Variants in CNTNAP2 observed in about 807,000 individuals in gnomAD.
CNTNAP2 encodes contactin associated protein 2.
CNTNAP2 carries 98 observed loss-of-function variants against 155.2 expected under a neutral mutation model. The observed-to-expected ratio is 0.63, with a 90% CI of 0.54 to 0.75. The LOEUF (loss-of-function observed/expected upper bound fraction) is 0.75, where lower values mean the gene tolerates loss of function less well. Among genes scored for constraint, CNTNAP2 ranks in the 30% least tolerant of loss-of-function variants. The pLI, the probability that CNTNAP2 is intolerant of heterozygous loss-of-function variation, is 0.00. For missense variants in CNTNAP2, 1,727 were observed against 1,688.1 expected (o/e 1.02, Z -0.40); for synonymous variants, 651 against 631.2 (o/e 1.03, Z -0.47).
At chr7:146,227,067 A>T (rs762936498) in intron 1 of CNTNAP2, among the ~76,000 whole-genome samples, 4 of 152,176 alleles carry the variant, frequency 2.6e-5, no homozygotes, top group Non-Finnish European at 5.9e-5. Flanking sequence ...ACACTTATGT[A>T]TAGATAGGCA....
intron 11 of CNTNAP2, among the ~76,000 whole-genome samples, chr7:147,490,408 A>G (rs899443351): frequency 2.0e-5 from 3 of 152,220 alleles, no homozygotes; most frequent in Non-Finnish European, 4.4e-5. Flanking sequence ...ATAAATGTGT[A>G]AACTGTAAAT....
At chr7:146,897,168 T>G (rs568440997) in intron 3 of CNTNAP2, among the ~76,000 whole-genome samples, 1 of 152,054 alleles carries the variant, frequency 6.6e-6, no homozygotes, top group African/African-American at 2.4e-5. Flanking sequence ...AATCTAGAAA[T>G]TGGAAAATCA....
chr7:147,015,470 A>T (rs367755345), intron 3 of CNTNAP2, among the ~76,000 whole-genome samples: 62 of 152,184 alleles, frequency 4.1e-4, no homozygotes, highest in African/African-American at 1.4e-3. Context: ...CATTTTGAAA[A>T]CACCATGCCC....
chr7:147,643,130 T>C lies in CNTNAP2; in HGVS notation c.2098+3824T>C, dbSNP rs150212777. Among the ~76,000 whole-genome samples the C allele has an allele frequency of 7.3e-3, 1,119 of 152,252 alleles. 18 individuals carry two copies. Among genetic ancestry groups the C allele is most frequent in the African/African-American group, 0.024 (1,012 of 41,540 alleles). On this transcript the variant is annotated intron_variant, in intron 13 of 23. Transcript: ENST00000361727. ...AATCACACATTGAGAAACACTGTCT[T>C]TAATTTATGGCATGAAGGTTTCTCA... is the stretch of plus-strand genomic sequence containing the variant.
intron 11 of CNTNAP2, among the ~76,000 whole-genome samples, chr7:147,491,299 C>A (rs976305398): frequency 7.2e-5 from 11 of 152,010 alleles, no homozygotes; most frequent in Non-Finnish European, 1.6e-4. Flanking sequence ...CTCTCATACC[C>A]TTGCCCCTCC....
At chr7:147,273,518 C>A (rs2116709495) in intron 8 of CNTNAP2, among the ~76,000 whole-genome samples, 1 of 151,892 alleles carries the variant, frequency 6.6e-6, no homozygotes. Flanking sequence ...TCTGACCCAC[C>A]CCACTTTGGA....
chr7:147,379,796 T>A (rs1178086679), intron 9 of CNTNAP2, among the ~76,000 whole-genome samples: 4 of 152,064 alleles, frequency 2.6e-5, no homozygotes, highest in Non-Finnish European at 5.9e-5. Context: ...TGCACAGGTC[T>A]ATTACTTGAT....
intron 2 of CNTNAP2, among the ~76,000 whole-genome samples, chr7:146,821,204 A>C (rs1026925891): frequency 4.6e-5 from 7 of 152,260 alleles, no homozygotes; most frequent in African/African-American, 1.4e-4. Flanking sequence ...TGGTCCTGTC[A>C]TTATGATGTT....
At chr7:147,164,155 C>G (rs762380245) in intron 8 of CNTNAP2, among the ~76,000 whole-genome samples, 6 of 152,096 alleles carry the variant, frequency 3.9e-5, no homozygotes, top group Admixed American at 6.5e-5. Flanking sequence ...ATTTCATTCT[C>G]CTATTTTGGT....
intron 2 of CNTNAP2, among the ~76,000 whole-genome samples, chr7:146,799,951 C>T (rs926151217): frequency 1.3e-5 from 2 of 149,890 alleles, no homozygotes; most frequent in African/African-American, 2.5e-5. Context: ...TGGGACTCAA[C>T]AAAATCTGTT....
At position 147,100,602 on chromosome 7, in the gene CNTNAP2, TG is replaced by T. The variant is rs1168326051; in HGVS notation, c.551-7544del. On this transcript the variant is annotated intron_variant, in intron 4 of 23. Coordinates refer to ENST00000361727, the MANE Select transcript of CNTNAP2 (RefSeq NM_014141.6). ...CTCCAGTGTAAGTATAATAAAAGCA[TG>T]TTATGTTTAAACCATTTATTCATAT... Among the ~76,000 whole-genome samples the T allele has an allele frequency of 4.6e-5, 7 of 152,370 alleles. 1 individual carries two copies. Among genetic ancestry groups the T allele is most frequent in the African/African-American group, 1.7e-4 (7 of 41,598 alleles).
chr7:147,917,623 C>A (rs374990581), intron 14 of CNTNAP2, among the ~76,000 whole-genome samples: 7 of 152,336 alleles, frequency 4.6e-5, no homozygotes, highest in African/African-American at 1.4e-4. Flanking sequence ...CGACTAGCAG[C>A]AAAGATGGCT....
At chr7:147,128,988 T>C in intron 7 of CNTNAP2, 152 bp downstream of exon 7, 1 of 1,020,686 alleles carries the variant, frequency 9.8e-7, no homozygotes, top group Admixed American at 2.0e-5. Flanking sequence ...GTTATCAGAA[T>C]TAGTATAGAT....
chr7:147,779,892 T>C lies in CNTNAP2; in HGVS notation c.2099-123673T>C, dbSNP rs563985838. Among the ~76,000 whole-genome samples the C allele has an allele frequency of 2.6e-5, 4 of 152,334 alleles. No individual in the cohort carries two copies. In the South Asian group the frequency reaches 8.3e-4, roughly 32 times the overall value. On this transcript the variant is annotated intron_variant, in intron 13 of 23. Transcript: ENST00000361727. ...CTTTACTTTTGAGAAATGTGAGGCC[T>C]CCTTGAAAGCATAATCTATTCCCTT...
chr7:146,517,292 T>G (rs700291), intron 1 of CNTNAP2, among the ~76,000 whole-genome samples: 45,607 of 151,770 alleles, frequency 0.3, 7,266 homozygotes, highest in East Asian at 0.49. Context: ...CAGATAACAG[T>G]TGACTACTGC....
At chr7:147,027,730 A>G (rs1192582807) in intron 3 of CNTNAP2, among the ~76,000 whole-genome samples, 1 of 152,128 alleles carries the variant, frequency 6.6e-6, no homozygotes, top group Non-Finnish European at 1.5e-5. Flanking sequence ...GTTTGGCCAA[A>G]TACAGTGGCC....
intron 1 of CNTNAP2, among the ~76,000 whole-genome samples, chr7:146,193,211 A>G (rs770261778): frequency 1.2e-4 from 18 of 152,114 alleles, no homozygotes; most frequent in African/African-American, 4.8e-5. Flanking sequence ...CAGTGGTTCT[A>G]ACATTCTGGG....
chr7:147,209,224 G>A (rs547868002), intron 8 of CNTNAP2, among the ~76,000 whole-genome samples: 2 of 152,114 alleles, frequency 1.3e-5, no homozygotes, highest in East Asian at 1.9e-4. Flanking sequence ...TCTAATTCAT[G>A]AGCAAGGAAT....
rs568274738 is a variant in CNTNAP2, at chr7:146,917,527, C to T, written c.402+77623C>T. On this transcript the variant is annotated intron_variant, in intron 3 of 23. Transcript: ENST00000361727. ...TGTATACTTAGGATTATGATATTTTCCTGTTGCACTAGTGCTTTTATCATG... is the reference window on the plus strand; with the variant it reads ...TGTATACTTAGGATTATGATATTTTTCTGTTGCACTAGTGCTTTTATCATG... 6.6e-5 allele frequency among the ~76,000 whole-genome samples: 10 copies of T among 152,148 alleles called. No individual in the cohort carries two copies. In the South Asian group the frequency reaches 2.1e-3, roughly 32 times the overall value.
Sources: allele counts gnomAD v4.1 joint callset (sites outside exome capture counted in the v4.1 genomes callset), GRCh38; gene constraint gnomAD v4.1.1; transcripts MANE v1.5; gene names NCBI Gene and HGNC (gene_info 2026-07-23, HGNC 2026-07-21).